Variants in PTPRE observed in about 807,000 individuals in gnomAD.
PTPRE encodes the protein receptor-type tyrosine-protein phosphatase epsilon.
PTPRE carries 51 observed loss-of-function variants against 102.0 expected under a neutral mutation model. That is an observed-to-expected ratio of 0.50 (90% CI 0.40 to 0.63). The LOEUF (loss-of-function observed/expected upper bound fraction) is 0.63. Among genes scored for constraint, PTPRE ranks in the 30% least tolerant of loss-of-function variants. PTPRE has a pLI of 0.00. For missense variants in PTPRE, 752 were observed against 915.1 expected, an observed-to-expected ratio of 0.82 and a Z score of 2.30; for synonymous variants, 345 against 348.2, an observed-to-expected ratio of 0.99 and a Z score of 0.10.
intron 1 of PTPRE, among the ~76,000 whole-genome samples, chr10:127,980,490 G>A (rs1851523543): frequency 6.6e-6 from 1 of 151,934 alleles, no homozygotes; most frequent in South Asian, 2.1e-4. Flanking sequence ...CAATGCTTAT[G>A]TCTTTTAATT....
chr10:128,041,736 A>G (rs1253173606), intron 3 of PTPRE, among the ~76,000 whole-genome samples: 2 of 151,532 alleles, frequency 1.3e-5, no homozygotes, highest in African/African-American at 4.8e-5. Context: ...TAAAAAGAAG[A>G]GTCCTTGCCT....
chr10:127,997,684 A>G (rs975526939), intron 2 of PTPRE, among the ~76,000 whole-genome samples: 6 of 152,260 alleles, frequency 3.9e-5, no homozygotes, highest in African/African-American at 1.4e-4. Context: ...ATATTCAAAA[A>G]TGAATATGGC....
chr10:127,969,074 C>T (rs907181657), intron 1 of PTPRE, among the ~76,000 whole-genome samples: 6 of 152,204 alleles, frequency 3.9e-5, no homozygotes, highest in African/African-American at 1.4e-4. Context: ...GGAGAATTCC[C>T]CTTTCTATTT....
chr10:127,919,452 C>T (rs959958581), intron 1 of PTPRE, among the ~76,000 whole-genome samples: 2 of 152,222 alleles, frequency 1.3e-5, no homozygotes, highest in African/African-American at 2.4e-5. Flanking sequence ...GCTGCCTGCT[C>T]CTGCCACCCG....
chr10:127,970,119 T>C (rs532233007), intron 1 of PTPRE, among the ~76,000 whole-genome samples: 1 of 152,290 alleles, frequency 6.6e-6, no homozygotes, highest in East Asian at 1.9e-4. Context: ...AACCAAGGGC[T>C]TTTCCCAGGC....
chr10:128,040,952 A>T lies in PTPRE; in HGVS notation c.71A>T (p.Glu24Val). The change falls in exon 3 of 21, where the codon GAG (glutamate) becomes GTG (valine). Residue 24 changes from glutamate (E) to valine (V), a missense_variant. Transcript: ENST00000254667. ...LPLARALRGN[E>V]TTADSNETTT... ...CTCGCCAGGGCTCTCAGGGGCAACG[A>T]GACCACTGCCGACAGCAACGAGACA... 6.2e-7 allele frequency: 1 copy of T among 1,614,092 alleles called. No homozygotes were observed. Among genetic ancestry groups the T allele is most frequent in the African/African-American group, 1.3e-5 (1 of 75,006 alleles).
At chr10:127,970,949 A>C (rs1216645064) in intron 1 of PTPRE, among the ~76,000 whole-genome samples, 1 of 152,148 alleles carries the variant, frequency 6.6e-6, no homozygotes, top group African/African-American at 2.4e-5. Flanking sequence ...TCATGGTTGG[A>C]TAAGCTTCTA....
At chr10:128,061,625 C>G in intron 8 of PTPRE, 54 bp from the exon 9 acceptor site, 1 of 1,552,826 alleles carries the variant, frequency 6.4e-7, no homozygotes, top group Non-Finnish European at 8.7e-7. Context: ...ACCAACAAAT[C>G]CTTTCAGCAA....
At chr10:128,064,513 C>T (rs923468453) in intron 10 of PTPRE, among the ~76,000 whole-genome samples, 1 of 152,234 alleles carries the variant, frequency 6.6e-6, no homozygotes, top group Non-Finnish European at 1.5e-5. Flanking sequence ...GAGGCTGACC[C>T]TTCATCAGGA....
intron 1 of PTPRE, among the ~76,000 whole-genome samples, chr10:127,972,929 G>A (rs777816658): frequency 5.9e-5 from 9 of 152,156 alleles, no homozygotes; most frequent in South Asian, 4.1e-4. Flanking sequence ...GTGGTGCAGC[G>A]GCTCGAGCAC....
chr10:128,021,612 A>G (rs556447979), intron 2 of PTPRE, among the ~76,000 whole-genome samples: 1 of 152,196 alleles, frequency 6.6e-6, no homozygotes, highest in African/African-American at 2.4e-5. Context: ...TTGGCCTCCA[A>G]AGCATAGAAT....
intron 2 of PTPRE, among the ~76,000 whole-genome samples, chr10:127,982,595 C>T (rs1001143291): frequency 1.3e-5 from 2 of 151,246 alleles, no homozygotes; most frequent in Non-Finnish European, 2.9e-5. Context: ...TACATGCTTT[C>T]CTTTCACTGA....
intron 2 of PTPRE, among the ~76,000 whole-genome samples, chr10:128,020,017 G>A (rs1179791404): frequency 1.4e-5 from 2 of 139,106 alleles, no homozygotes; most frequent in African/African-American, 5.5e-5. Flanking sequence ...GCCAGAGGGT[G>A]GAGGCTGTGT....
intron 2 of PTPRE, among the ~76,000 whole-genome samples, chr10:128,033,064 C>G (rs1276241048): frequency 6.6e-6 from 1 of 152,202 alleles, no homozygotes; most frequent in African/African-American, 2.4e-5. Flanking sequence ...AATGGTGTCG[C>G]TGACCACGTA....
At chr10:127,979,978 C>A (rs1018190581) in intron 1 of PTPRE, among the ~76,000 whole-genome samples, 16 of 152,314 alleles carry the variant, frequency 1.1e-4, no homozygotes, top group African/African-American at 3.9e-4. Flanking sequence ...TGGCTTCTTC[C>A]CTTGCTTGGC....
At chr10:127,960,815 A>C (rs952299545) in intron 1 of PTPRE, among the ~76,000 whole-genome samples, 2 of 152,080 alleles carry the variant, frequency 1.3e-5, no homozygotes, top group African/African-American at 4.8e-5. Context: ...CTAGGTCAGG[A>C]GATCAAGACC....
In PTPRE at chr10:128,061,308, G is replaced by A. The variant is rs538695316; in HGVS notation, c.588+293G>A. ...ACAGATTGTGGTAAAACCATGTGCA[G>A]TGGACTATTAGAACTTGATTTGTAT... On this transcript the variant is annotated intron_variant, in intron 8 of 20. Coordinates refer to ENST00000254667, the MANE Select transcript of PTPRE (RefSeq NM_006504.6). 2.0e-5 allele frequency among the ~76,000 whole-genome samples: 3 copies of A among 152,372 alleles called. No homozygotes were observed. The South Asian group carries it at 6.2e-4, about 32-fold the overall frequency.
intron 20 of PTPRE, among the ~76,000 whole-genome samples, chr10:128,081,709 G>T (rs191796572): frequency 6.6e-6 from 1 of 152,168 alleles, no homozygotes; most frequent in Non-Finnish European, 1.5e-5. Flanking sequence ...GATCAGCTGC[G>T]TGTCTTAGTA....
Position 128,076,641 on chromosome 10 carries a change from T to G in PTPRE, c.1638T>G (p.Val546=). The G allele has an allele frequency of 6.2e-6, 10 of 1,611,188 alleles. No individual in the cohort carries two copies. Among genetic ancestry groups the G allele is most frequent in the Non-Finnish European group, 8.5e-6 (10 of 1,179,286 alleles). The part of the protein sequence containing the change: ...CYQYWPTEGS[V]THGEITIEIK... ...AGTATTGGCCAACCGAGGGCTCAGT[T>G]ACTCATGGAGAAATAACGATTGAGA... The change falls in exon 18 of 21, where the codon GTT becomes GTG. Residue 546 remains valine, a synonymous_variant. Transcript: ENST00000254667.
Sources: gnomAD v4.1 joint callset for allele counts (sites outside exome capture counted in the v4.1 genomes callset) on GRCh38, gnomAD v4.1.1 for gene constraint, MANE v1.5 for transcripts, NCBI Gene and HGNC (gene_info 2026-07-23, HGNC 2026-07-21) for gene names.